The following FEZ1 variants were observed in gnomAD, a reference collection of about 807,000 sequenced individuals.
FEZ1 encodes the protein fasciculation and elongation protein zeta-1.
A neutral mutation model predicts 49.3 loss-of-function variants in FEZ1; 20 were observed. The ratio of observed to expected loss-of-function variants is 0.41; its 90% confidence interval spans 0.29 to 0.59. FEZ1 has a LOEUF of 0.59. FEZ1 is among the 20% of genes least tolerant of loss of function. The pLI is 0.36. For missense variants in FEZ1, 413 were observed against 476.0 expected, an observed-to-expected ratio of 0.87 and a Z score of 1.23; for synonymous variants, 170 against 180.9, an observed-to-expected ratio of 0.94 and a Z score of 0.48.
chr11:125,477,654 T>C (rs1957244009), intron 3 of FEZ1, among the ~76,000 whole-genome samples: 1 of 151,910 alleles, frequency 6.6e-6, no homozygotes, highest in Non-Finnish European at 1.5e-5. Flanking sequence ...CATCCCAGAG[T>C]CAGGTACTAG....
rs185364844 is a variant in FEZ1, at chr11:125,467,153, C to T, written c.412-3583G>A. ...TGCTCGAGTGATCCTCCTGCCTCAG[C>T]CTCCCAAGTAGCTGGGACTACAGGC... On this transcript the variant is annotated intron_variant, in intron 3 of 9. Transcript: ENST00000278919. 2.0e-4 allele frequency among the ~76,000 whole-genome samples: 30 copies of T among 152,154 alleles called. 1 individual carries two copies. The highest frequency in any genetic ancestry group is 1.8e-3 in the Admixed American group (28 of 15,284).
chr11:125,475,390 C>T (rs1480284305), intron 3 of FEZ1, among the ~76,000 whole-genome samples: 1 of 151,924 alleles, frequency 6.6e-6, no homozygotes, highest in African/African-American at 2.4e-5. Flanking sequence ...AATAAGGTAT[C>T]AATTTTGTTA....
chr11:125,467,968 T>C (rs1332878861), intron 3 of FEZ1, among the ~76,000 whole-genome samples: 2 of 152,200 alleles, frequency 1.3e-5, no homozygotes, highest in Non-Finnish European at 2.9e-5. Context: ...AGGAATAGAA[T>C]AGATTGATGA....
chr11:125,466,783 A>G (rs545515980), intron 3 of FEZ1, among the ~76,000 whole-genome samples: 71 of 152,292 alleles, frequency 4.7e-4, no homozygotes, highest in African/African-American at 1.6e-3. Context: ...GATGATTAAA[A>G]TTATGTGGAG....
At chr11:125,462,603 T>C (rs939558414) in intron 4 of FEZ1, among the ~76,000 whole-genome samples, 2 of 152,208 alleles carry the variant, frequency 1.3e-5, no homozygotes, top group Non-Finnish European at 2.9e-5. Context: ...CTGGCTCCTA[T>C]CAGAGACTGA....
Position 125,455,900 on chromosome 11 carries a change from G to A in FEZ1, c.874C>T (p.Arg292Trp), listed in dbSNP as rs761088831. Residue 292 changes from arginine to tryptophan, a missense_variant, in exon 6 of 10, where the codon CGG becomes TGG. Arg to Trp is a moderately radical substitution (Grantham distance 101, BLOSUM62 -3). Transcript: ENST00000278919. ...KEQRELMKKR[R>W]KEKGLSLQSS... Reference sequence around the variant, plus strand: ...TGCAGGCTCAGCCCTTTCTCTTTCCGCCTCTTTTTCATCAGTTCTCGCTGC... The same window carrying A: ...TGCAGGCTCAGCCCTTTCTCTTTCCACCTCTTTTTCATCAGTTCTCGCTGC... 10 of 1,613,302 alleles carry A rather than the reference G, an allele frequency of 6.2e-6. No homozygotes were observed. The highest frequency in any genetic ancestry group is 8.5e-6 in the Non-Finnish European group (10 of 1,179,902).
At chr11:125,450,636 A>G (rs774483350) in intron 8 of FEZ1, among the ~76,000 whole-genome samples, 2 of 152,220 alleles carry the variant, frequency 1.3e-5, no homozygotes, top group Non-Finnish European at 2.9e-5. Context: ...CTACAGGAGA[A>G]TTGGTATTCA....
intron 4 of FEZ1, chr11:125,463,262 C>G: frequency 3.3e-6 from 1 of 302,888 alleles, no homozygotes. Flanking sequence ...GCCAAGATCA[C>G]GCCACTGCAC....
intron 2 of FEZ1, chr11:125,488,788 A>AT: frequency 2.0e-6 from 2 of 985,420 alleles, no homozygotes; most frequent in Non-Finnish European, 2.4e-6. Flanking sequence ...TTTGTGTAAC[A>AT]TATCACCCCC....
At chr11:125,481,487 G>T in intron 3 of FEZ1, 47 bp downstream of exon 3, 1 of 1,025,032 alleles carries the variant, frequency 9.8e-7, no homozygotes, top group Non-Finnish European at 1.6e-6. Context: ...TTTCTAACTG[G>T]ATTCCACATC....
In FEZ1 at chr11:125,481,541, T is replaced by C; in HGVS notation, c.404A>G (p.Asp135Gly). 2 of 1,605,036 alleles carry C rather than the reference T, an allele frequency of 1.2e-6. No individual in the cohort carries two copies. The highest frequency in any genetic ancestry group is 1.7e-6 in the Non-Finnish European group (2 of 1,171,860). Reference protein sequence around the residue: ...NIEALNGNCSDTEIHEKEEEE... With the variant: ...NIEALNGNCSGTEIHEKEEEE... Reference sequence around the variant, plus strand: ...GGGGCCCCGGAGAGGTACCTCAGTGTCAGAGCAGTTGCCATTCAGAGCCTC... The same window carrying C: ...GGGGCCCCGGAGAGGTACCTCAGTGCCAGAGCAGTTGCCATTCAGAGCCTC... The change falls in exon 3 of 10, where the codon GAC becomes GGC. Residue 135 changes from aspartate to glycine, a missense_variant. Physicochemically the swap from Asp to Gly is moderately conservative, Grantham distance 94 (BLOSUM62 -1). Transcript: ENST00000278919.
intron 2 of FEZ1, chr11:125,481,884 A>G (rs1957282623): frequency 2.0e-6 from 1 of 507,532 alleles, no homozygotes; most frequent in African/African-American, 1.9e-5. Flanking sequence ...ATTTCCTACC[A>G]TTGAGATACA....
At chr11:125,485,414 A>G (rs956186636) in intron 2 of FEZ1, among the ~76,000 whole-genome samples, 2 of 152,182 alleles carry the variant, frequency 1.3e-5, no homozygotes, top group Non-Finnish European at 2.9e-5. Context: ...AACTGGCAAC[A>G]TAGCCATCAG....
At chr11:125,486,529 A>G (rs1439731755) in intron 2 of FEZ1, among the ~76,000 whole-genome samples, 2 of 152,192 alleles carry the variant, frequency 1.3e-5, no homozygotes, top group Non-Finnish European at 2.9e-5. Flanking sequence ...ATCTTAGCCA[A>G]CTCCCCTCTT....
At chr11:125,485,968 A>G (rs1046820582) in intron 2 of FEZ1, among the ~76,000 whole-genome samples, 1 of 152,152 alleles carries the variant, frequency 6.6e-6, no homozygotes, top group African/African-American at 2.4e-5. Context: ...AGTAGAAATT[A>G]TTAGCAGCAC....
intron 9 of FEZ1, 47 bp from the exon 10 acceptor site, chr11:125,446,158 G>C (rs1956896990): frequency 1.2e-6 from 2 of 1,606,638 alleles, no homozygotes; most frequent in African/African-American, 1.3e-5. Context: ...CACAGTTGCA[G>C]GTGGGGACCT....
chr11:125,446,960 T>C (rs1956904827), intron 9 of FEZ1, among the ~76,000 whole-genome samples: 1 of 152,192 alleles, frequency 6.6e-6, no homozygotes. Context: ...CTGATCCTTA[T>C]AGAAACAATA....
rs777457771 is a variant in FEZ1 at position 125,481,519 on chromosome 11, G to C, written c.411+15C>G. Reference sequence around the variant, plus strand: ...CATCTCAAGCCCTGCTAAACCAGGGGCCCCGGAGAGGTACCTCAGTGTCAG... The same window carrying C: ...CATCTCAAGCCCTGCTAAACCAGGGCCCCCGGAGAGGTACCTCAGTGTCAG... On this transcript the variant is annotated intron_variant, in intron 3 of 9. Coordinates refer to ENST00000278919, the MANE Select transcript of FEZ1 (RefSeq NM_005103.5). The C allele has an allele frequency of 6.6e-7, 1 of 1,515,290 alleles. No individual in the cohort carries two copies. Among genetic ancestry groups the C allele is most frequent in the Non-Finnish European group, 9.2e-7 (1 of 1,089,890 alleles). The allele number at this position is 1,515,290 out of a possible 1,614,324, so 93.9% of individuals were successfully genotyped here. A position where few individuals can be genotyped will look rare whatever the true frequency, so the allele number is the denominator to read the frequency against.
rs1048618097 is a variant in FEZ1 at position 125,489,403 on chromosome 11, G to A, written c.311+64C>T. The stretch of plus-strand genomic sequence containing the variant: ...ACCTATAGACAGAAACCAGCACTAT[G>A]TCAAGGAGACAAGGACTACAGGGCT... On this transcript the variant is annotated intron_variant, in intron 2 of 9. Coordinates refer to ENST00000278919, the MANE Select transcript of FEZ1 (RefSeq NM_005103.5). The surrounding 1 kb of genome is among the most constrained non-coding windows in gnomAD (Gnocchi z 4.2). 4 of 1,534,328 alleles carry A rather than the reference G, an allele frequency of 2.6e-6. No homozygotes were observed. Among genetic ancestry groups the A allele is most frequent in the East Asian group, 2.3e-5 (1 of 44,352 alleles).
Sources: gnomAD v4.1 joint callset for allele counts (sites outside exome capture counted in the v4.1 genomes callset) on GRCh38, gnomAD v4.1.1 for gene constraint, Gnocchi (gnomAD v3.1) non-coding constraint, MANE v1.5 for transcripts, NCBI Gene and HGNC (gene_info 2026-07-23, HGNC 2026-07-21) for gene names.